CHRM2: variants seen among roughly 807,000 people sequenced by gnomAD.
CHRM2 encodes the protein muscarinic acetylcholine receptor M2.
In CHRM2, 8 loss-of-function variants were observed where a neutral mutation model predicts 25.0. That is an observed-to-expected ratio of 0.32 (90% CI 0.19 to 0.58). The LOEUF (loss-of-function observed/expected upper bound fraction) is 0.58. Among genes scored for constraint, CHRM2 ranks in the 20% least tolerant of loss-of-function variants. The pLI is 0.88. For synonymous variants in CHRM2, 202 were observed against 205.7 expected (o/e 0.98, Z 0.15); for missense variants, 440 against 567.1 (o/e 0.78, Z 2.28).
intron 2 of CHRM2, among the ~76,000 whole-genome samples, chr7:136,977,612 C>T (rs1352606708): frequency 1.3e-5 from 2 of 152,152 alleles, no homozygotes; most frequent in South Asian, 4.1e-4. Context: ...TTTTAAGCTA[C>T]GACTTGAATG....
At chr7:136,903,883 T>C (rs1797378690) in intron 2 of CHRM2, among the ~76,000 whole-genome samples, 1 of 151,842 alleles carries the variant, frequency 6.6e-6, no homozygotes, top group Admixed American at 6.6e-5. Context: ...TTATCAAATG[T>C]TTTATTTTTC....
chr7:136,940,510 T>G (rs1799704873), intron 2 of CHRM2, among the ~76,000 whole-genome samples: 1 of 152,216 alleles, frequency 6.6e-6, no homozygotes, highest in Non-Finnish European at 1.5e-5. Flanking sequence ...CTTACTGAGT[T>G]ATTGAGATTT....
At chr7:136,939,371 A>C (rs1419959737) in intron 2 of CHRM2, among the ~76,000 whole-genome samples, 1 of 152,230 alleles carries the variant, frequency 6.6e-6, no homozygotes, top group Non-Finnish European at 1.5e-5. Flanking sequence ...ACTTGAGCTC[A>C]AGTTCCAGTT....
chr7:136,920,348 C>A (rs1479697547), intron 2 of CHRM2, among the ~76,000 whole-genome samples: 2 of 152,096 alleles, frequency 1.3e-5, no homozygotes, highest in African/African-American at 4.8e-5. Flanking sequence ...TAGTTGACCA[C>A]CCATGTTTGC....
chr7:136,986,486 C>T (rs1223287523), intron 2 of CHRM2, among the ~76,000 whole-genome samples: 1 of 152,120 alleles, frequency 6.6e-6, no homozygotes, highest in Non-Finnish European at 1.5e-5. Context: ...CTGCAAGGTC[C>T]TGATCACAGT....
chr7:137,016,054 A>C lies in CHRM2; in HGVS notation c.1189A>C (p.Ile397Leu). Residue 397 changes from isoleucine (I) to leucine (L), a missense_variant, in exon 4 of 4, where the codon ATC (isoleucine) becomes CTC (leucine). By Grantham distance (5) the Ile-to-Leu change is conservative. This residue lies in a region of CHRM2 where 65 missense variants were observed against 108.9 expected (regional missense o/e 0.60). Transcript: ENST00000680005. ...AATCTTGGCTATTCTGTTGGCTTTC[A>C]TCATCACTTGGGCCCCATACAATGT... Reference protein sequence around the residue: ...RTILAILLAFIITWAPYNVMV... With the variant: ...RTILAILLAFLITWAPYNVMV... 1 of 1,612,786 alleles carries C rather than the reference A, an allele frequency of 6.2e-7. No individual in the cohort carries two copies. The highest frequency in any genetic ancestry group is 8.5e-7 in the Non-Finnish European group (1 of 1,179,310).
At chr7:136,908,109 T>A (rs954941180) in intron 2 of CHRM2, 2 of 151,950 alleles carry the variant, frequency 1.3e-5, no homozygotes, top group African/African-American at 4.8e-5. Context: ...ACCCATTACA[T>A]GTTTAAGGAC....
intron 3 of CHRM2, among the ~76,000 whole-genome samples, chr7:136,997,026 A>T (rs894924724): frequency 2.0e-5 from 3 of 152,082 alleles, no homozygotes; most frequent in Non-Finnish European, 2.9e-5. Flanking sequence ...TCAACAGTGG[A>T]GTAGTTGACA....
chr7:136,900,894 G>C (rs1054679710), intron 2 of CHRM2, among the ~76,000 whole-genome samples: 4 of 151,942 alleles, frequency 2.6e-5, no homozygotes, highest in African/African-American at 9.7e-5. Flanking sequence ...TGAAAGATCT[G>C]AATGATATGG....
At chr7:136,882,928 G>A (rs1796321161) in intron 2 of CHRM2, among the ~76,000 whole-genome samples, 1 of 152,066 alleles carries the variant, frequency 6.6e-6, no homozygotes, top group Admixed American at 6.6e-5. Flanking sequence ...ATTAGGGATG[G>A]ATTTAGTACA....
intron 2 of CHRM2, among the ~76,000 whole-genome samples, chr7:136,885,943 C>G (rs1369803353): frequency 6.6e-6 from 1 of 152,088 alleles, no homozygotes; most frequent in Admixed American, 6.6e-5. Context: ...TCAGTAGCTA[C>G]AGCCTAGGGT....
chr7:136,991,375 T>C (rs1457645593), intron 2 of CHRM2, among the ~76,000 whole-genome samples: 1 of 152,144 alleles, frequency 6.6e-6, no homozygotes, highest in East Asian at 1.9e-4. Context: ...TTCAGCATAA[T>C]TTGTTGAAAA....
chr7:136,878,405 T>C (rs898742805), intron 2 of CHRM2, among the ~76,000 whole-genome samples: 4 of 151,896 alleles, frequency 2.6e-5, no homozygotes, highest in Admixed American at 2.6e-4. Context: ...GGAGGAAGGG[T>C]AGATGATATA....
chr7:136,877,642 C>A (rs1796099806), intron 2 of CHRM2, among the ~76,000 whole-genome samples: 1 of 152,002 alleles, frequency 6.6e-6, no homozygotes. Context: ...AATGTTAATG[C>A]TGATACATTT....
rs1429604741 is a variant in CHRM2, at chr7:137,011,725, T to C, written c.-46-3095T>C. Among the ~76,000 whole-genome samples, 14 of 152,034 alleles carry C rather than the reference T, an allele frequency of 9.2e-5. 1 individual carries two copies. The Admixed American group carries it at 9.2e-4, about 10-fold the overall frequency. On this transcript the variant is annotated intron_variant, in intron 3 of 3. Coordinates refer to ENST00000680005, the MANE Select transcript of CHRM2 (RefSeq NM_001006630.2). ...AAAATTAAGTTCACAAGTCCACCAC[T>C]TGTCAGCCTAGTGTTCATATACATC...
At chr7:137,006,745 T>A (rs927059488) in intron 3 of CHRM2, among the ~76,000 whole-genome samples, 1 of 152,000 alleles carries the variant, frequency 6.6e-6, no homozygotes, top group Non-Finnish European at 1.5e-5. Flanking sequence ...ATGTGTTTGG[T>A]GTGGCCTTTT....
At position 136,908,719 on chromosome 7, in the gene CHRM2, C is replaced by T. The variant is rs562246691; in HGVS notation, c.-125+39301C>T. ...CTGATTTTCAAAGCCAAATTTCTGA[C>T]GGAATTAATTTATCTATAAATTTTA... is the stretch of plus-strand genomic sequence containing the variant. On this transcript the variant is annotated intron_variant, in intron 2 of 3. Transcript: ENST00000680005. Among the ~76,000 whole-genome samples, 70 of 151,958 alleles carry T rather than the reference C, an allele frequency of 4.6e-4. 1 individual carries two copies. Among genetic ancestry groups the T allele is most frequent in the African/African-American group, 4.3e-4 (18 of 41,480 alleles).
chr7:136,937,123 A>C (rs531349419), intron 2 of CHRM2, among the ~76,000 whole-genome samples: 63 of 152,316 alleles, frequency 4.1e-4, no homozygotes, highest in African/African-American at 1.4e-3. Context: ...TGACTGGAAT[A>C]AAAATAGGTA....
chr7:136,990,097 C>T (rs324630), intron 2 of CHRM2, among the ~76,000 whole-genome samples: 132,898 of 152,062 alleles, frequency 0.87, 58,669 homozygotes, highest in Middle Eastern at 0.97. Context: ...AGTTTTAGGT[C>T]CATAGCAAAA....
Sources: allele counts gnomAD v4.1 joint callset (sites outside exome capture counted in the v4.1 genomes callset), GRCh38; gene constraint gnomAD v4.1.1; regional missense constraint gnomAD v4.1.1; transcripts MANE v1.5; gene names NCBI Gene and HGNC (gene_info 2026-07-23, HGNC 2026-07-21).